Variants in IMMP2L observed in about 807,000 individuals in gnomAD.
The protein encoded by IMMP2L is inner mitochondrial membrane peptidase subunit 2.
IMMP2L carries 18 observed loss-of-function variants against 19.3 expected under a neutral mutation model. That is an observed-to-expected ratio of 0.93 (90% confidence interval 0.64 to 1.38). The LOEUF (loss-of-function observed/expected upper bound fraction) is 1.38, where lower values mean the gene tolerates loss of function less well. Among genes scored for constraint, IMMP2L ranks in the 40% most tolerant of loss-of-function variants. The pLI is 0.00. For synonymous variants in IMMP2L, 76 were observed against 73.0 expected (o/e 1.04, Z -0.21); for missense variants, 233 against 218.2 (o/e 1.07, Z -0.43).
At chr7:111,519,868 TG>T (rs1013174669) in intron 2 of IMMP2L, among the ~76,000 whole-genome samples, 3 of 151,888 alleles carry the variant, frequency 2.0e-5, no homozygotes, top group Non-Finnish European at 4.4e-5. Flanking sequence ...GTAACAAAAT[TG>T]GGGGAAAAAA....
chr7:111,035,507 T>C (rs1791249368), intron 3 of IMMP2L, among the ~76,000 whole-genome samples: 1 of 152,162 alleles, frequency 6.6e-6, no homozygotes, highest in Non-Finnish European at 1.5e-5. Context: ...TGCTTCTACA[T>C]ATGTGATCAA....
intron 3 of IMMP2L, among the ~76,000 whole-genome samples, chr7:111,281,474 T>C (rs922292416): frequency 6.6e-6 from 1 of 152,142 alleles, no homozygotes; most frequent in Non-Finnish European, 1.5e-5. Flanking sequence ...AAGACTTCCA[T>C]AGCATTTGAA....
intron 3 of IMMP2L, among the ~76,000 whole-genome samples, chr7:111,465,885 T>C (rs1433975635): frequency 2.6e-5 from 4 of 152,166 alleles, no homozygotes; most frequent in Non-Finnish European, 5.9e-5. Flanking sequence ...CGTATGTTTA[T>C]TGCGGCACTA....
At position 110,809,852 on chromosome 7, in the gene IMMP2L, A is replaced by T. The variant is rs77073015; in HGVS notation, c.408+76741T>A. On this transcript the variant is annotated intron_variant, in intron 5 of 5. Transcript: ENST00000405709. ...TATCCAATGACACCAAACCGAAAAT[A>T]ATCTAAGAATATAAAATAAAAATTA... 9.3e-3 allele frequency among the ~76,000 whole-genome samples: 1,414 copies of T among 152,176 alleles called. 31 individuals are homozygous for T. The highest frequency in any genetic ancestry group is 0.032 in the African/African-American group (1,321 of 41,552).
At chr7:111,195,540 G>A (rs969831398) in intron 3 of IMMP2L, among the ~76,000 whole-genome samples, 3 of 152,046 alleles carry the variant, frequency 2.0e-5, no homozygotes, top group Non-Finnish European at 2.9e-5. Flanking sequence ...TTTTTATTGT[G>A]TAGAAACTTT....
intron 3 of IMMP2L, among the ~76,000 whole-genome samples, chr7:111,444,531 G>A (rs1000021661): frequency 9.9e-5 from 15 of 152,062 alleles, no homozygotes; most frequent in African/African-American, 3.6e-4. Context: ...ACAGCGTCTA[G>A]CATTGTTAAG....
chr7:111,411,435 C>A (rs1834416705), intron 3 of IMMP2L: 3 of 501,516 alleles, frequency 6.0e-6, no homozygotes, highest in African/African-American at 2.0e-5. Context: ...CCTCACCAGA[C>A]CTCCTTGGAG....
chr7:111,344,660 C>T (rs1827357380), intron 3 of IMMP2L, among the ~76,000 whole-genome samples: 1 of 152,172 alleles, frequency 6.6e-6, no homozygotes, highest in South Asian at 2.1e-4. Context: ...CTAAATTTCA[C>T]CTTCAACAGC....
At chr7:111,482,093 A>G (rs1481000875) in intron 3 of IMMP2L, among the ~76,000 whole-genome samples, 2 of 152,190 alleles carry the variant, frequency 1.3e-5, no homozygotes, top group African/African-American at 4.8e-5. Flanking sequence ...ATTTATTTGC[A>G]TGAATATATC....
intron 3 of IMMP2L, among the ~76,000 whole-genome samples, chr7:111,201,152 G>C (rs1396044556): frequency 1.3e-5 from 2 of 151,954 alleles, no homozygotes; most frequent in Non-Finnish European, 2.9e-5. Context: ...CATATGCTTG[G>C]AGGGTCTGAA....
intron 3 of IMMP2L, among the ~76,000 whole-genome samples, chr7:111,356,946 G>A (rs1828769295): frequency 7.2e-6 from 1 of 138,164 alleles, no homozygotes; most frequent in Admixed American, 6.8e-5. Flanking sequence ...AGAAGCGCTT[G>A]AACCAGGAGG....
At chr7:110,731,559 A>G (rs1796278874) in intron 5 of IMMP2L, among the ~76,000 whole-genome samples, 1 of 152,180 alleles carries the variant, frequency 6.6e-6, no homozygotes, top group African/African-American at 2.4e-5. Context: ...TCACAAAGAC[A>G]CACTATACAC....
At chr7:111,479,098 C>G (rs1433864101) in intron 3 of IMMP2L, among the ~76,000 whole-genome samples, 2 of 152,130 alleles carry the variant, frequency 1.3e-5, no homozygotes, top group Non-Finnish European at 2.9e-5. Context: ...GTCCTTCTTC[C>G]TCCTTCCTGA....
intron 5 of IMMP2L, among the ~76,000 whole-genome samples, chr7:110,738,569 C>A (rs1316307272): frequency 6.6e-6 from 1 of 152,168 alleles, no homozygotes; most frequent in East Asian, 1.9e-4. Flanking sequence ...AAGTTCGGGA[C>A]TATGTTAAAC....
intron 3 of IMMP2L, among the ~76,000 whole-genome samples, chr7:111,373,508 G>A (rs903936593): frequency 2.0e-5 from 3 of 152,052 alleles, no homozygotes; most frequent in African/African-American, 7.2e-5. Flanking sequence ...CTCTTTCTTG[G>A]TCCTTTCATG....
At chr7:111,132,473 T>C (rs999771156) in intron 3 of IMMP2L, among the ~76,000 whole-genome samples, 1 of 152,024 alleles carries the variant, frequency 6.6e-6, no homozygotes, top group African/African-American at 2.4e-5. Flanking sequence ...CAGAAACTTC[T>C]CTTCAACATT....
chr7:110,685,705 G>C (rs1200771931), intron 5 of IMMP2L, among the ~76,000 whole-genome samples: 2 of 151,924 alleles, frequency 1.3e-5, no homozygotes, highest in Non-Finnish European at 2.9e-5. Context: ...TGTGGTTGCT[G>C]TTATGTTTCA....
At chr7:111,060,917 C>T (rs921615255) in intron 3 of IMMP2L, among the ~76,000 whole-genome samples, 3 of 152,176 alleles carry the variant, frequency 2.0e-5, no homozygotes, top group African/African-American at 4.8e-5. Flanking sequence ...CTATAAGAAA[C>T]CTACATATTA....
At position 111,262,643 on chromosome 7, in the gene IMMP2L, G is replaced by C. The variant is rs142359963; in HGVS notation, c.239+224595C>G. On this transcript the variant is annotated intron_variant, in intron 3 of 5. Coordinates refer to ENST00000405709, the MANE Select transcript of IMMP2L (RefSeq NM_032549.4). ...TAATGATTCCTATAGTAAACAGAAC[G>C]CAAGATTTATGAGGTATATCTCCCT... 2.6e-5 allele frequency among the ~76,000 whole-genome samples: 4 copies of C among 152,106 alleles called. No homozygotes were observed. In the South Asian group the frequency reaches 6.2e-4, roughly 24 times the overall value.
Sources: gnomAD v4.1 joint callset for allele counts (sites outside exome capture counted in the v4.1 genomes callset) on GRCh38, gnomAD v4.1.1 for gene constraint, MANE v1.5 for transcripts, NCBI Gene and HGNC (gene_info 2026-07-23, HGNC 2026-07-21) for gene names.